TOP1: variants seen among roughly 807,000 people sequenced by gnomAD.
TOP1 encodes the protein DNA topoisomerase I.
Under a neutral mutation model 111.1 loss-of-function variants are expected in TOP1, and 10 were observed. The ratio of observed to expected loss-of-function variants is 0.09; its 90% CI spans 0.06 to 0.15. The LOEUF (loss-of-function observed/expected upper bound fraction) is 0.15, where lower values mean the gene tolerates loss of function less well. Among genes scored for constraint, TOP1 ranks in the 10% least tolerant of loss-of-function variants. The pLI is 1.00. For synonymous variants in TOP1, 271 were observed against 302.9 expected (o/e 0.89, Z 1.10); for missense variants, 474 against 926.7 (o/e 0.51, Z 6.34).
At position 41,122,315 on chromosome 20, in the gene TOP1, G is replaced by T. The variant is rs1335828706; in HGVS notation, c.2195+160G>T. Among the ~76,000 whole-genome samples the T allele has an allele frequency of 6.6e-6, 1 of 152,180 alleles. No individual in the cohort carries two copies. Among genetic ancestry groups the T allele is most frequent in the African/African-American group, 2.4e-5 (1 of 41,446 alleles). On this transcript the variant is annotated intron_variant, in intron 20 of 20. Transcript: ENST00000361337. The surrounding 1 kb of genome is among the most constrained non-coding windows in gnomAD (Gnocchi z 5.4). ...CTGTGTACAAGTTACTCTGGTTGCT[G>T]AACCTTGTCTGTAAATGCATTGCAA...
rs1448660137 is a variant in TOP1 at position 41,028,832 on chromosome 20, C to G, written c.-236C>G. ...CAGGCGCAGTGAGCCCAAATGCGAA[C>G]TTAGGCTGTTACACAACTGCTGGGG... On this transcript the variant is annotated 5_prime_UTR_variant, in exon 1 of 21. Coordinates refer to ENST00000361337, the MANE Select transcript of TOP1 (RefSeq NM_003286.4). 1.9e-6 allele frequency: 1 copy of G among 524,180 alleles called. No homozygotes were observed. Among genetic ancestry groups the G allele is most frequent in the Admixed American group, 4.0e-5 (1 of 24,870 alleles). 32.5% of individuals were successfully genotyped at this position (524,180 alleles called of 1,614,324 possible).
rs950951665 is a variant in TOP1 at position 41,090,582 on chromosome 20, A to G, written c.615-1890A>G. Among the ~76,000 whole-genome samples the G allele has an allele frequency of 2.0e-5, 3 of 152,078 alleles. No individual in the cohort carries two copies. In the East Asian group the frequency reaches 5.8e-4, roughly 29 times the overall value. On this transcript the variant is annotated intron_variant, in intron 8 of 20. Coordinates refer to ENST00000361337, the MANE Select transcript of TOP1 (RefSeq NM_003286.4). Reference sequence around the variant, plus strand: ...CAGTCACGTGATCTCGGCTCACTGCAACCTTCACCTCCCAGGTTCAAACGA... The same window carrying G: ...CAGTCACGTGATCTCGGCTCACTGCGACCTTCACCTCCCAGGTTCAAACGA...
At chr20:41,099,872 T>C (rs757974507) in intron 11 of TOP1, among the ~76,000 whole-genome samples, 184 bp from the exon 12 acceptor site, 7 of 152,168 alleles carry the variant, frequency 4.6e-5, no homozygotes, top group Non-Finnish European at 7.4e-5. Flanking sequence ...GGCAGATCTT[T>C]TTGGGGAATT....
chr20:41,113,847 C>T, intron 14 of TOP1, 123 bp from the exon 15 acceptor site: 1 of 739,188 alleles, frequency 1.4e-6, no homozygotes. Context: ...TGCGCCATTG[C>T]ACTCTAGCCT....
chr20:41,099,884 T>C (rs1278352979), intron 11 of TOP1, among the ~76,000 whole-genome samples, 172 bp from the exon 12 acceptor site: 1 of 152,242 alleles, frequency 6.6e-6, no homozygotes, highest in Non-Finnish European at 1.5e-5. Context: ...TGGGGAATTT[T>C]ATGATATTTA....
At chr20:41,089,880 A>T (rs1305797485) in intron 8 of TOP1, among the ~76,000 whole-genome samples, 1 of 152,094 alleles carries the variant, frequency 6.6e-6, no homozygotes, top group Non-Finnish European at 1.5e-5. Flanking sequence ...TTTCCTAATG[A>T]TTATTGATGT....
At chr20:41,060,663 C>G (rs1274708793) in intron 2 of TOP1, among the ~76,000 whole-genome samples, 1 of 152,050 alleles carries the variant, frequency 6.6e-6, no homozygotes, top group Non-Finnish European at 1.5e-5. Flanking sequence ...GTTCCAGGAC[C>G]ACCCCACCCC....
rs1403091659 is a variant in TOP1 at position 41,028,945 on chromosome 20, A to C, written c.-123A>C. On this transcript the variant is annotated 5_prime_UTR_variant, in exon 1 of 21. Transcript: ENST00000361337. ...TTTCTGGAGTCTCGGGCCCACAGTCACCGCCGCTTACCTGCGCCTCCTCGA... is the reference window on the plus strand; with the variant it reads ...TTTCTGGAGTCTCGGGCCCACAGTCCCCGCCGCTTACCTGCGCCTCCTCGA... 1.8e-5 allele frequency: 14 copies of C among 782,982 alleles called. No individual in the cohort carries two copies. Among genetic ancestry groups the C allele is most frequent in the Non-Finnish European group, 2.9e-5 (14 of 487,124 alleles). 48.5% of individuals were successfully genotyped at this position (782,982 alleles called of 1,614,324 possible). A position where few individuals can be genotyped will look rare whatever the true frequency, so the allele number is the denominator to read the frequency against.
rs189639632 is a variant in TOP1 at position 41,045,888 on chromosome 20, C to T, written c.59-15506C>T. 2.4e-3 allele frequency among the ~76,000 whole-genome samples: 364 copies of T among 152,284 alleles called. 1 individual carries two copies. The highest frequency in any genetic ancestry group is 7.3e-3 in the African/African-American group (302 of 41,552). On this transcript the variant is annotated intron_variant, in intron 2 of 20. Coordinates refer to ENST00000361337, the MANE Select transcript of TOP1 (RefSeq NM_003286.4). ...ATCTGGGGTTATCTTCTCACTTGCA[C>T]GCTCATGACCAGTGTAGGCTGCATC...
At chr20:41,076,086 G>T in intron 3 of TOP1, 85 bp from the exon 4 acceptor site, 8 of 1,455,634 alleles carry the variant, frequency 5.5e-6, no homozygotes, top group Non-Finnish European at 7.4e-6. Flanking sequence ...AGTTTCCACG[G>T]TTCATGTTAT....
chr20:41,069,541 G>C lies in TOP1; in HGVS notation c.156-6630G>C, dbSNP rs1183932532. Among the ~76,000 whole-genome samples the C allele has an allele frequency of 6.6e-6, 1 of 152,172 alleles. No individual in the cohort carries two copies. The highest frequency in any genetic ancestry group is 1.5e-5 in the Non-Finnish European group (1 of 68,030). On this transcript the variant is annotated intron_variant, in intron 3 of 20. Transcript: ENST00000361337. The surrounding 1 kb of genome is among the most constrained non-coding windows in gnomAD (Gnocchi z 4.1). The stretch of plus-strand genomic sequence containing the variant: ...GGGTCTCATTTTCTGTTTTGGTCAA[G>C]GGTTGATAACAGTACCTGCTTTATC...
chr20:41,037,588 A>G (rs1206024456), intron 2 of TOP1, among the ~76,000 whole-genome samples: 2 of 152,228 alleles, frequency 1.3e-5, no homozygotes, highest in African/African-American at 2.4e-5. Flanking sequence ...TTAGTACCAA[A>G]TGCCGTGTTA....
intron 2 of TOP1, among the ~76,000 whole-genome samples, chr20:41,060,477 A>G (rs1200662438): frequency 6.6e-6 from 1 of 152,254 alleles, no homozygotes; most frequent in Non-Finnish European, 1.5e-5. Flanking sequence ...GCACGATCAG[A>G]TCAGTGCTTC....
At chr20:41,044,042 C>T (rs1177844397) in intron 2 of TOP1, among the ~76,000 whole-genome samples, 2 of 152,038 alleles carry the variant, frequency 1.3e-5, no homozygotes, top group Non-Finnish European at 2.9e-5. Flanking sequence ...TTTGGGAGGC[C>T]GAGGCAGGCG....
intron 2 of TOP1, among the ~76,000 whole-genome samples, chr20:41,037,777 A>G (rs182020143): frequency 2.0e-3 from 299 of 152,338 alleles, no homozygotes; most frequent in African/African-American, 6.8e-3. Context: ...GGATGTGTTC[A>G]CTAGTGTTCA....
rs1160411335 is a variant in TOP1 at position 41,114,974 on chromosome 20, T to C, written c.1639-397T>C. On this transcript the variant is annotated intron_variant, in intron 15 of 20. Coordinates refer to ENST00000361337, the MANE Select transcript of TOP1 (RefSeq NM_003286.4). The surrounding 1 kb of genome is among the most constrained non-coding windows in gnomAD (Gnocchi z 4.5). ...TATCAATGTAAATTTTTGAAGCTGA[T>C]ACTGTGTAAATGTAAGGGAATATCT... Among the ~76,000 whole-genome samples the C allele has an allele frequency of 6.6e-6, 1 of 152,220 alleles. No homozygotes were observed. Among genetic ancestry groups the C allele is most frequent in the African/African-American group, 2.4e-5 (1 of 41,452 alleles).
At position 41,079,769 on chromosome 20, in the gene TOP1, C is replaced by G. The variant is rs1004874497; in HGVS notation, c.336-316C>G. ...GGTTTCCATGTAAGGCAAGAAAACA[C>G]CTTAGGTTTATTTCTGGAGTGGTTC... On this transcript the variant is annotated intron_variant, in intron 5 of 20. Transcript: ENST00000361337. The surrounding 1 kb of genome is among the most constrained non-coding windows in gnomAD (Gnocchi z 4.0). Among the ~76,000 whole-genome samples, 1 of 152,116 alleles carries G rather than the reference C, an allele frequency of 6.6e-6. No individual in the cohort carries two copies. The highest frequency in any genetic ancestry group is 1.5e-5 in the Non-Finnish European group (1 of 68,000).
Position 41,034,375 on chromosome 20 carries a change from G to C in TOP1, c.58+4920G>C, listed in dbSNP as rs981521519. Among the ~76,000 whole-genome samples, 2 of 152,200 alleles carry C rather than the reference G, an allele frequency of 1.3e-5. No individual in the cohort carries two copies. Among genetic ancestry groups the C allele is most frequent in the Non-Finnish European group, 2.9e-5 (2 of 68,032 alleles). ...TAGCTGCAGTAGAAAATCTAAAATA[G>C]AGGCCAGGGTTGGAATAATTAGCAT... On this transcript the variant is annotated intron_variant, in intron 2 of 20. Coordinates refer to ENST00000361337, the MANE Select transcript of TOP1 (RefSeq NM_003286.4). The surrounding 1 kb of genome is among the most constrained non-coding windows in gnomAD (Gnocchi z 4.0).
rs747854327 is a variant in TOP1 at position 41,095,481 on chromosome 20, CTT to C, written c.731-1736_731-1735del. Among the ~76,000 whole-genome samples the C allele has an allele frequency of 2.0e-5, 3 of 152,138 alleles. No homozygotes were observed. Among genetic ancestry groups the C allele is most frequent in the Non-Finnish European group, 4.4e-5 (3 of 68,032 alleles). The stretch of plus-strand genomic sequence containing the variant: ...AGTTTTCTAAAGAAGTTCAGGGAAT[CTT>C]TTAATACACAGCCTATCTTCCCCGA... On this transcript the variant is annotated intron_variant, in intron 9 of 20. Transcript: ENST00000361337. The surrounding 1 kb of genome is among the most constrained non-coding windows in gnomAD (Gnocchi z 4.6).
Sources: allele counts gnomAD v4.1 joint callset (sites outside exome capture counted in the v4.1 genomes callset), GRCh38; gene constraint gnomAD v4.1.1; non-coding constraint Gnocchi (gnomAD v3.1); transcripts MANE v1.5; gene names NCBI Gene and HGNC (gene_info 2026-07-23, HGNC 2026-07-21).